ZMIZ1: variants seen among roughly 807,000 people sequenced by gnomAD.
The protein encoded by ZMIZ1 is zinc finger MIZ domain-containing protein 1.
A neutral mutation model predicts 113.9 loss-of-function variants in ZMIZ1; 17 were observed. The ratio of observed to expected loss-of-function variants is 0.15; its 90% CI spans 0.10 to 0.22. The LOEUF (loss-of-function observed/expected upper bound fraction) is 0.22, where lower values mean the gene tolerates loss of function less well. ZMIZ1 is among the 10% of genes least tolerant of loss of function. ZMIZ1 has a pLI of 1.00. For synonymous variants in ZMIZ1, 607 were observed against 603.1 expected, an observed-to-expected ratio of 1.01 and a Z score of -0.09; for missense variants, 1,059 against 1,477.8, an observed-to-expected ratio of 0.72 and a Z score of 4.65.
chr10:79,114,252 C>T (rs992576300), intron 1 of ZMIZ1, among the ~76,000 whole-genome samples: 6 of 152,214 alleles, frequency 3.9e-5, no homozygotes, highest in African/African-American at 1.4e-4. Flanking sequence ...ATTTTTTCCC[C>T]CTGTTTAATG....
intron 8 of ZMIZ1, among the ~76,000 whole-genome samples, chr10:79,281,845 G>A (rs1254067026): frequency 6.6e-6 from 1 of 152,234 alleles, no homozygotes. Context: ...AGCCAGTAAA[G>A]GGCAGAGGAA....
Position 79,245,298 on chromosome 10 carries a change from C to G in ZMIZ1, c.280+29024C>G, listed in dbSNP as rs543619802. 4.6e-5 allele frequency among the ~76,000 whole-genome samples: 7 copies of G among 152,290 alleles called. No individual in the cohort carries two copies. The East Asian group carries it at 1.4e-3, about 29-fold the overall frequency. On this transcript the variant is annotated intron_variant, in intron 7 of 24. Coordinates refer to ENST00000334512, the MANE Select transcript of ZMIZ1 (RefSeq NM_020338.4). ...TTTCAGATGGGAAAACTGATGTGCC[C>G]GAGATCATCCAGTTGGGGATGTAGG...
chr10:79,209,800 T>G (rs11002869), intron 6 of ZMIZ1, among the ~76,000 whole-genome samples: 51,424 of 152,168 alleles, frequency 0.34, 9,080 homozygotes, highest in East Asian at 0.43. Context: ...ACTGAGACTT[T>G]TAACTGACTT....
chr10:79,259,637 G>T (rs1274576260), intron 7 of ZMIZ1, among the ~76,000 whole-genome samples: 1 of 147,306 alleles, frequency 6.8e-6, no homozygotes, highest in Non-Finnish European at 1.5e-5. Flanking sequence ...TTTTTTTGAG[G>T]TGGTGTCTCA....
intron 8 of ZMIZ1, 80 bp downstream of exon 8, chr10:79,277,405 G>GT: frequency 6.8e-7 from 1 of 1,469,726 alleles, no homozygotes. Flanking sequence ...TGTCCCTGGG[G>GT]TGGGGGCCTC....
Position 79,315,159 on chromosome 10 carries a change from A to C in ZMIZ1, c.*2410A>C, listed in dbSNP as rs1379069805. On this transcript the variant is annotated 3_prime_UTR_variant, in exon 25 of 25. Transcript: ENST00000334512. ...GGGTTTCCTGGGTCCCCTCTCCAGC[A>C]AGCCTCCACCAGCAAGCTCGGCCCA... The C allele has an allele frequency of 6.5e-6, 1 of 152,810 alleles. No homozygotes were observed. The highest frequency in any genetic ancestry group is 1.5e-5 in the Non-Finnish European group (1 of 68,152). 9.5% of individuals were successfully genotyped at this position (152,810 alleles called of 1,614,324 possible). A position where few individuals can be genotyped will look rare whatever the true frequency, so the allele number is the denominator to read the frequency against.
At chr10:79,254,402 AG>A (rs1850745733) in intron 7 of ZMIZ1, among the ~76,000 whole-genome samples, 1 of 152,238 alleles carries the variant, frequency 6.6e-6, no homozygotes, top group Non-Finnish European at 1.5e-5. Context: ...ACAGAAGCAG[AG>A]TCAGGGTGCC....
chr10:79,120,842 A>C (rs950945589), intron 2 of ZMIZ1, among the ~76,000 whole-genome samples: 1 of 152,052 alleles, frequency 6.6e-6, no homozygotes, highest in African/African-American at 2.4e-5. Context: ...ATGACAGTCC[A>C]CCCTGCCTGC....
intron 2 of ZMIZ1, among the ~76,000 whole-genome samples, chr10:79,126,415 G>A (rs1362431268): frequency 6.6e-6 from 1 of 152,206 alleles, no homozygotes; most frequent in African/African-American, 2.4e-5. Flanking sequence ...GGGTCTAGGG[G>A]CTCTGAAGGC....
intron 22 of ZMIZ1, among the ~76,000 whole-genome samples, chr10:79,307,151 C>T (rs535072304): frequency 3.7e-4 from 57 of 152,226 alleles, no homozygotes; most frequent in African/African-American, 1.0e-3. Context: ...GAGCCTGGCC[C>T]GCCCCCTTTG....
chr10:79,254,815 T>C (rs1198749812), intron 7 of ZMIZ1, among the ~76,000 whole-genome samples: 1 of 152,202 alleles, frequency 6.6e-6, no homozygotes, highest in African/African-American at 2.4e-5. Context: ...GACCTCGGCC[T>C]TGTTGGCTTT....
chr10:79,242,966 G>C (rs1385222206), intron 7 of ZMIZ1, among the ~76,000 whole-genome samples: 1 of 151,034 alleles, frequency 6.6e-6, no homozygotes, highest in African/African-American at 2.4e-5. Context: ...GTCTGCGCGC[G>C]CGAGTGAGTG....
At chr10:79,310,845 G>C (rs1855099883) in intron 23 of ZMIZ1, 79 bp from the exon 24 acceptor site, 2 of 1,479,298 alleles carry the variant, frequency 1.4e-6, no homozygotes, top group Admixed American at 2.1e-5. Context: ...TGGTTGTGTT[G>C]GGTTTCATTT....
Position 79,302,349 on chromosome 10 carries a change from C to T in ZMIZ1, c.2125+137C>T, listed in dbSNP as rs185838761. On this transcript the variant is annotated intron_variant, in intron 18 of 24. Coordinates refer to ENST00000334512, the MANE Select transcript of ZMIZ1 (RefSeq NM_020338.4). Reference sequence around the variant, plus strand: ...CCACCGGGCCTGGAGTGTCCCTGAGCGCGCCCTGTCCTGAGGCTCATGCCC... The same window carrying T: ...CCACCGGGCCTGGAGTGTCCCTGAGTGCGCCCTGTCCTGAGGCTCATGCCC... 15 of 840,628 alleles carry T rather than the reference C, an allele frequency of 1.8e-5. 1 individual carries two copies. Among genetic ancestry groups the T allele is most frequent in the South Asian group, 1.6e-4 (10 of 64,174 alleles). The allele number at this position is 840,628 out of a possible 1,614,324, so 52.1% of individuals were successfully genotyped here. A position where few individuals can be genotyped will look rare whatever the true frequency, so the allele number is the denominator to read the frequency against.
At chr10:79,202,851 T>C (rs546536790) in intron 5 of ZMIZ1, among the ~76,000 whole-genome samples, 136 of 152,372 alleles carry the variant, frequency 8.9e-4, no homozygotes, top group African/African-American at 3.2e-3. Context: ...TCAGACGCCT[T>C]GGACCCAAGT....
intron 4 of ZMIZ1, among the ~76,000 whole-genome samples, chr10:79,183,987 C>T (rs1047580827): frequency 3.3e-5 from 5 of 152,186 alleles, no homozygotes; most frequent in African/African-American, 9.7e-5. Flanking sequence ...CTGTCTACTT[C>T]ATAGGGTTGT....
intron 1 of ZMIZ1, among the ~76,000 whole-genome samples, chr10:79,117,882 CTCTTT>C (rs1190946815): frequency 6.6e-6 from 1 of 152,196 alleles, no homozygotes; most frequent in Non-Finnish European, 1.5e-5. Context: ...AGGCTGATCC[CTCTTT>C]TCTGAGCATG....
chr10:79,193,084 G>A (rs1251401473), intron 4 of ZMIZ1, among the ~76,000 whole-genome samples: 2 of 152,164 alleles, frequency 1.3e-5, no homozygotes, highest in African/African-American at 2.4e-5. Context: ...TTGGGAATGC[G>A]CGAGCCACCT....
intron 1 of ZMIZ1, among the ~76,000 whole-genome samples, chr10:79,082,651 C>A (rs181251553): frequency 1.3e-5 from 2 of 152,376 alleles, no homozygotes; most frequent in Admixed American, 1.3e-4. Flanking sequence ...CTTGGTCTCC[C>A]CCTACTTTCA....
Sources: gnomAD v4.1 joint callset for allele counts (sites outside exome capture counted in the v4.1 genomes callset) on GRCh38, gnomAD v4.1.1 for gene constraint, MANE v1.5 for transcripts, NCBI Gene and HGNC (gene_info 2026-07-23, HGNC 2026-07-21) for gene names.